Variants in MUC5B observed in about 807,000 individuals in gnomAD.
The protein encoded by MUC5B is mucin-5B.
MUC5B carries 116 observed loss-of-function variants against 376.9 expected under a neutral mutation model. That is an observed-to-expected ratio of 0.31 (90% CI 0.26 to 0.36). MUC5B has a LOEUF of 0.36. Among genes scored for constraint, MUC5B ranks in the 10% least tolerant of loss-of-function variants. The pLI, the probability that MUC5B is intolerant of heterozygous loss-of-function variation, is 1.00. For synonymous variants in MUC5B, 3,517 were observed against 3,390.9 expected (o/e 1.04, Z -1.29); for missense variants, 7,165 against 7,769.9 (o/e 0.92, Z 2.93).
chr11:1,231,042 G>A (rs750752405), intron 13 of MUC5B, 37 bp downstream of exon 13: 17 of 1,539,224 alleles, frequency 1.1e-5, no homozygotes, highest in East Asian at 7.3e-5. Context: ...GCTGGGTGGC[G>A]CCTGCTTGCA....
Position 1,244,968 on chromosome 11 carries a change from G to T in MUC5B, c.8088G>T (p.Thr2696=). The T allele has an allele frequency of 6.4e-7, 1 of 1,561,978 alleles. No homozygotes were observed. Among genetic ancestry groups the T allele is most frequent in the Non-Finnish European group, 8.7e-7 (1 of 1,154,030 alleles). ...TPPSLTTTAT[T]ITATGSTTNP... ...CATCACTGACCACCACGGCCACTAC[G>T]ATCACGGCCACCGGCTCCACCACCA... is the stretch of plus-strand genomic sequence containing the variant. The change falls in exon 31 of 49, where the codon ACG becomes ACT. Residue 2696 remains threonine, a synonymous_variant. Transcript: ENST00000529681.
rs756417853 is a variant in MUC5B at position 1,234,482 on chromosome 11, C to A, written c.2479-47C>A. ...TGTCCCAGAGGGTGAGTGACATCTG[C>A]CCACCCTGGTGTCCAGCCCTGACCG... On this transcript the variant is annotated intron_variant, in intron 20 of 48. Transcript: ENST00000529681. The surrounding 1 kb of genome is among the most constrained non-coding windows in gnomAD (Gnocchi z 6.3). 7.1e-6 allele frequency: 11 copies of A among 1,552,034 alleles called. No homozygotes were observed. The highest frequency in any genetic ancestry group is 3.9e-5 in the Admixed American group (2 of 51,864).
Position 1,255,243 on chromosome 11 carries a change from G to A in MUC5B, c.15867G>A (p.Pro5289=), listed in dbSNP as rs778317816. ...TPTPTPCPPQ[P]LCDLMLSQVF... is the part of the protein sequence containing the mutation. The stretch of plus-strand genomic sequence containing the variant: ...CCCCCACCCCATGCCCACCACAGCC[G>A]CTCTGTGATCTGATGCTGAGCCAGT... The change falls in exon 36 of 49, where the codon CCG becomes CCA. Residue 5289 remains proline (P), a synonymous_variant. Transcript: ENST00000529681. 5.8e-5 allele frequency: 52 copies of A among 904,072 alleles called. No homozygotes were observed. The South Asian group carries it at 6.2e-4, about 11-fold the overall frequency. The allele number at this position is 904,072 out of a possible 1,614,324, so 56.0% of individuals were successfully genotyped here.
Position 1,246,408 on chromosome 11 carries a change from C to A in MUC5B, c.9528C>A (p.Pro3176=), listed in dbSNP as rs371984347. 9 of 1,613,434 alleles carry A rather than the reference C, an allele frequency of 5.6e-6. No homozygotes were observed. The African/African-American group carries it at 1.1e-4, about 19-fold the overall frequency. The change falls in exon 31 of 49, where the codon CCC becomes CCA. Residue 3176 remains proline, a synonymous_variant. Transcript: ENST00000529681. ...EPSTTATVTV[P]TGSTATASST... ...GCACTACAGCCACCGTGACGGTGCC[C>A]ACCGGATCCACGGCCACCGCCTCCT...
In MUC5B at chr11:1,252,421, G is replaced by A. The variant is rs777112784; in HGVS notation, c.14942G>A (p.Arg4981His). The A allele has an allele frequency of 1.1e-5, 18 of 1,610,850 alleles. No homozygotes were observed. The East Asian group carries it at 1.6e-4, about 14-fold the overall frequency. The change falls in exon 32 of 49, where the codon CGC becomes CAC. Residue 4981 changes from arginine (R) to histidine (H), a missense_variant. Arg to His is a conservative substitution (Grantham distance 29, BLOSUM62 0). Around this residue, in one of 31 missense-constraint regions of MUC5B, gnomAD observed 730 missense variants for 592.7 expected, o/e 1.23. Transcript: ENST00000529681. ...AVCNQHCDID[R>H]FQGACPTSPP... ...TGCAATCAGCACTGTGACATTGACC[G>A]CTTCCAGGGCGCCTGTCCCACCTCC...
intron 21 of MUC5B, 78 bp from the exon 22 acceptor site, chr11:1,235,007 C>A: frequency 6.6e-7 from 1 of 1,523,650 alleles, no homozygotes. Flanking sequence ...TGCTGACCTG[C>A]ACAGGCCTGG....
Position 1,246,441 on chromosome 11 carries a change from G to A in MUC5B, c.9561G>A (p.Arg3187=). 8.7e-6 allele frequency: 14 copies of A among 1,612,414 alleles called. No homozygotes were observed. Among genetic ancestry groups the A allele is most frequent in the Non-Finnish European group, 1.2e-5 (14 of 1,179,466 alleles). The change falls in exon 31 of 49, where the codon CGG becomes CGA. Residue 3187 remains arginine (R), a synonymous_variant. Transcript: ENST00000529681. ...CCACGGCCACCGCCTCCTCCACCCG[G>A]GCAACTGCTGGCACCCTCAAAGTGC... ...TGSTATASST[R]ATAGTLKVLT... is the part of the protein sequence containing the mutation.
rs1862926505 is a variant in MUC5B at position 1,259,075 on chromosome 11, C to A, written c.16713+14C>A. On this transcript the variant is annotated intron_variant, in intron 44 of 48. Transcript: ENST00000529681. ...ACCTGTCCCCAGGTGAGACCCGAGG[C>A]ACCTGCCCCCAGGTGAGCCCCCGAG... The A allele has an allele frequency of 6.5e-7, 1 of 1,543,576 alleles. No individual in the cohort carries two copies. Among genetic ancestry groups the A allele is most frequent in the African/African-American group, 1.4e-5 (1 of 72,878 alleles).
chr11:1,255,309 G>A lies in MUC5B; in HGVS notation c.15890+43G>A, dbSNP rs371273926. The stretch of plus-strand genomic sequence containing the variant: ...GGGTTGCAGGCCCTGGGGCGCCCCC[G>A]CCCGCCCGCATGCACGCACGCACGC... On this transcript the variant is annotated intron_variant, in intron 36 of 48. Coordinates refer to ENST00000529681, the MANE Select transcript of MUC5B (RefSeq NM_002458.3). 379 of 1,438,054 alleles carry A rather than the reference G, an allele frequency of 2.6e-4. No individual in the cohort carries two copies. The African/African-American group carries it at 5.0e-3, about 19-fold the overall frequency. 89.1% of individuals were successfully genotyped at this position (1,438,054 alleles called of 1,614,324 possible). A position where few individuals can be genotyped will look rare whatever the true frequency, so the allele number is the denominator to read the frequency against.
chr11:1,236,907 C>T lies in MUC5B; in HGVS notation c.3058-18C>T, dbSNP rs1164809558. On this transcript the variant is annotated intron_variant, in intron 24 of 48. Coordinates refer to ENST00000529681, the MANE Select transcript of MUC5B (RefSeq NM_002458.3). ...GTGGCCCCAGCTCCAGGGCCCCACT[C>T]TCTCGCTGCCTCTGCAGGGCAGGGT... The T allele has an allele frequency of 3.5e-6, 5 of 1,417,180 alleles. No homozygotes were observed. Among genetic ancestry groups the T allele is most frequent in the Non-Finnish European group, 4.6e-6 (5 of 1,080,604 alleles). The allele number at this position is 1,417,180 out of a possible 1,614,324, so 87.8% of individuals were successfully genotyped here.
chr11:1,242,745 C>A lies in MUC5B; in HGVS notation c.5865C>A (p.Pro1955=). ...TPTVTSSKAT[P]SSSPGTATAL... is the part of the protein sequence containing the mutation. ...CAGTCACCAGCTCCAAAGCCACTCC[C>A]TCCTCCAGTCCAGGGACTGCAACCG... Residue 1955 remains proline, a synonymous_variant, in exon 31 of 49, where the codon CCC becomes CCA. Transcript: ENST00000529681. 1 of 1,613,498 alleles carries A rather than the reference C, an allele frequency of 6.2e-7. No individual in the cohort carries two copies. Among genetic ancestry groups the A allele is most frequent in the South Asian group, 1.1e-5 (1 of 91,074 alleles).
intron 19 of MUC5B, 127 bp downstream of exon 19, chr11:1,233,975 G>A (rs1213913903): frequency 2.0e-6 from 2 of 1,018,230 alleles, no homozygotes; most frequent in Admixed American, 2.0e-5. Flanking sequence ...TCCTCACCTG[G>A]GCTCTGCCAC....
chr11:1,236,014 G>A (rs1032211816), intron 23 of MUC5B, among the ~76,000 whole-genome samples: 2 of 152,222 alleles, frequency 1.3e-5, no homozygotes, highest in African/African-American at 2.4e-5. Context: ...AAGCAGCGCC[G>A]CTGGCCGGGA....
Position 1,248,484 on chromosome 11 carries a change from C to G in MUC5B, c.11604C>G (p.Thr3868=), listed in dbSNP as rs1240791829. 5 of 1,611,864 alleles carry G rather than the reference C, an allele frequency of 3.1e-6. No homozygotes were observed. Among genetic ancestry groups the G allele is most frequent in the Non-Finnish European group, 4.2e-6 (5 of 1,178,798 alleles). Residue 3868 remains threonine (T), a synonymous_variant, in exon 31 of 49, where the codon ACC becomes ACG. Coordinates refer to ENST00000529681, the MANE Select transcript of MUC5B (RefSeq NM_002458.3). ...CTCACACTACCAAAGTGCCGACTAC[C>G]ACAACCACGGGCTTCACAGTCACCC... ...GTAHTTKVPT[T]TTTGFTVTPS... is the part of the protein sequence containing the mutation.
chr11:1,229,176 C>T lies in MUC5B; in HGVS notation c.983C>T (p.Thr328Ile). ...CCCACCTCCTTTTGCGCAGCCCGGA[C>T]CTGCCCCCTCAACATGCAGCACCAG... ...NWRCPELCPR[T>I]CPLNMQHQEC... Residue 328 changes from threonine to isoleucine, a missense_variant, in exon 9 of 49, where the codon ACC (threonine) becomes ATC (isoleucine). Physicochemically the swap from Thr to Ile is moderately conservative, Grantham distance 89 (BLOSUM62 -1). This residue lies in a region of MUC5B where 640 missense variants were observed against 733.0 expected (regional missense o/e 0.87). Transcript: ENST00000529681. 6.3e-7 allele frequency: 1 copy of T among 1,594,036 alleles called. No homozygotes were observed. The highest frequency in any genetic ancestry group is 8.5e-7 in the Non-Finnish European group (1 of 1,174,816).
At chr11:1,239,301 C>T (rs942758486) in intron 26 of MUC5B, 137 bp from the exon 27 acceptor site, 33 of 1,197,954 alleles carry the variant, frequency 2.8e-5, no homozygotes, top group African/African-American at 1.1e-4. Flanking sequence ...ACCACCCGGC[C>T]GAGGCCCTGC....
At chr11:1,255,317 G>T in intron 36 of MUC5B, 51 bp downstream of exon 36, 2 of 1,496,456 alleles carry the variant, frequency 1.3e-6, no homozygotes, top group Non-Finnish European at 1.8e-6. Context: ...CCGCCCGCCC[G>T]CATGCACGCA....
chr11:1,261,034 C>T (rs997287832), intron 48 of MUC5B, among the ~76,000 whole-genome samples: 2 of 152,240 alleles, frequency 1.3e-5, no homozygotes, highest in African/African-American at 4.8e-5. Context: ...TGAAGCCCCC[C>T]ATGGCTTGCC....
rs1361187996 is a variant in MUC5B at position 1,233,041 on chromosome 11, C to T, written c.2094C>T (p.Ser698=). Residue 698 remains serine, a synonymous_variant, in exon 18 of 49, where the codon TCC becomes TCT. Coordinates refer to ENST00000529681, the MANE Select transcript of MUC5B (RefSeq NM_002458.3). ...CTKYMQNCPK[S]QRYAYVVDAC... is the part of the protein sequence containing the mutation. Reference sequence around the variant, plus strand: ...AGTACATGCAGAACTGCCCCAAGTCCCAGCGCTACGCCTACGTGGTGGATG... The same window carrying T: ...AGTACATGCAGAACTGCCCCAAGTCTCAGCGCTACGCCTACGTGGTGGATG... The T allele has an allele frequency of 6.2e-7, 1 of 1,601,014 alleles. No homozygotes were observed. The highest frequency in any genetic ancestry group is 1.3e-5 in the African/African-American group (1 of 74,834).
Sources: allele counts gnomAD v4.1 joint callset (sites outside exome capture counted in the v4.1 genomes callset), GRCh38; gene constraint gnomAD v4.1.1; regional missense constraint gnomAD v4.1.1; non-coding constraint Gnocchi (gnomAD v3.1); transcripts MANE v1.5; gene names NCBI Gene and HGNC (gene_info 2026-07-23, HGNC 2026-07-21).